Variants in ARHGEF10 observed in about 807,000 individuals in gnomAD.
The protein encoded by ARHGEF10 is Rho guanine nucleotide exchange factor (GEF) 10.
In ARHGEF10, 140 loss-of-function variants were observed where a neutral mutation model predicts 147.4. The observed-to-expected ratio is 0.95, with a 90% CI of 0.83 to 1.09. ARHGEF10 has a LOEUF of 1.09. Ranked by LOEUF, ARHGEF10 falls within the 50% of genes least tolerant of loss-of-function variation. The probability of loss-of-function intolerance (pLI) is 0.00; values close to 1 mark genes in which losing one functional copy is unlikely to be tolerated. For synonymous variants in ARHGEF10, 902 were observed against 695.8 expected (o/e 1.30, Z -4.67); for missense variants, 2,222 against 1,752.7 (o/e 1.27, Z -4.78).
Position 1,858,062 on chromosome 8 carries a change from C to A in ARHGEF10, c.140C>A (p.Pro47Gln). The A allele has an allele frequency of 6.2e-7, 1 of 1,614,138 alleles. No homozygotes were observed. The highest frequency in any genetic ancestry group is 2.2e-5 in the East Asian group (1 of 44,884). Residue 47 changes from proline (P) to glutamine (Q), a missense_variant, in exon 3 of 29, where the codon CCA (proline) becomes CAA (glutamine). By Grantham distance (76) the Pro-to-Gln change is moderately conservative. Transcript: ENST00000349830. Reference sequence around the variant, plus strand: ...ATCCCAGAAGCGGACAGACAGGCCCCATCCGCCCCTGAGACAGGAGGTGCT... The same window carrying A: ...ATCCCAGAAGCGGACAGACAGGCCCAATCCGCCCCTGAGACAGGAGGTGCT... ...DEIPEADRQA[P>Q]SAPETGGAGA...
chr8:1,877,912 G>A (rs1170887042), intron 8 of ARHGEF10, among the ~76,000 whole-genome samples: 2 of 152,076 alleles, frequency 1.3e-5, no homozygotes. Context: ...GATAACCGGT[G>A]TTATCCCTCC....
Position 1,956,871 on chromosome 8 carries a change from C to T in ARHGEF10, c.3643C>T (p.Gln1215Ter). The change falls in exon 29 of 29, where the codon CAG (glutamine) becomes TAG (stop). Residue 1215 changes from glutamine (Q) to a stop codon, truncating the protein, a stop_gained. Transcript: ENST00000349830. LOFTEE classifies it low-confidence loss of function (END_TRUNC). ...RDSLAPGPEP[Q>*]DEDQKDALPS... The stretch of plus-strand genomic sequence containing the variant: ...CAGCCTGGCTCCTGGCCCCGAGCCT[C>T]AGGACGAAGACCAGAAGGACGCACT... 1 of 1,614,134 alleles carries T rather than the reference C, an allele frequency of 6.2e-7. No individual in the cohort carries two copies. Among genetic ancestry groups the T allele is most frequent in the Non-Finnish European group, 8.5e-7 (1 of 1,180,040 alleles).
chr8:1,857,884 ATCTATCT>A, intron 2 of ARHGEF10, 69 bp from the exon 3 acceptor site: 1 of 856,346 alleles, frequency 1.2e-6, no homozygotes, highest in South Asian at 1.6e-5. Flanking sequence ...CGATCGATCT[ATCTATCT>A]ATCTATCTAT....
rs1396432213 is a variant in ARHGEF10, at chr8:1,859,944, A to G, written c.241A>G (p.Thr81Ala). The G allele has an allele frequency of 6.2e-7, 1 of 1,614,182 alleles. No individual in the cohort carries two copies. The highest frequency in any genetic ancestry group is 1.3e-5 in the African/African-American group (1 of 75,042). The change falls in exon 4 of 29, where the codon ACT becomes GCT. Residue 81 changes from threonine to alanine, a missense_variant. By Grantham distance (58) the Thr-to-Ala change is moderately conservative. Coordinates refer to ENST00000349830, the MANE Select transcript of ARHGEF10 (RefSeq NM_014629.4). ...AGAAACCACCCCAGTGGCAGAGCCTACTAAGCTGGTGCTCCCGATGAAAGT... is the reference window on the plus strand; with the variant it reads ...AGAAACCACCCCAGTGGCAGAGCCTGCTAAGCTGGTGCTCCCGATGAAAGT... ...GAETTPVAEP[T>A]KLVLPMKVNP...
At chr8:1,853,172 C>T (rs1372963538) in intron 2 of ARHGEF10, among the ~76,000 whole-genome samples, 1 of 152,184 alleles carries the variant, frequency 6.6e-6, no homozygotes, top group Non-Finnish European at 1.5e-5. Flanking sequence ...TCATGGCCTT[C>T]ATGGGTGACT....
chr8:1,924,610 C>A (rs1290149152), intron 21 of ARHGEF10, among the ~76,000 whole-genome samples: 1 of 152,180 alleles, frequency 6.6e-6, no homozygotes, highest in East Asian at 1.9e-4. Context: ...TTGTCCCGGA[C>A]GGGAAAGCCG....
At chr8:1,837,520 T>C (rs1042661114) in intron 1 of ARHGEF10, among the ~76,000 whole-genome samples, 6 of 152,188 alleles carry the variant, frequency 3.9e-5, no homozygotes, top group Admixed American at 2.6e-4. Context: ...CACAGTGTGG[T>C]TTAAAAAATG....
At chr8:1,913,905 G>A (rs1391001623) in intron 18 of ARHGEF10, among the ~76,000 whole-genome samples, 1 of 152,214 alleles carries the variant, frequency 6.6e-6, no homozygotes, top group African/African-American at 2.4e-5. Context: ...CGTGAGGAGG[G>A]TGAGAGACAG....
intron 1 of ARHGEF10, among the ~76,000 whole-genome samples, chr8:1,834,664 C>G (rs1214930091): frequency 6.6e-6 from 1 of 152,260 alleles, no homozygotes; most frequent in East Asian, 1.9e-4. Flanking sequence ...GTGGAAAGGA[C>G]TGGCGTGTTT....
chr8:1,832,056 C>A (rs1252101566), intron 1 of ARHGEF10, among the ~76,000 whole-genome samples: 1 of 152,158 alleles, frequency 6.6e-6, no homozygotes, highest in Non-Finnish European at 1.5e-5. Flanking sequence ...TTCCTCCTGA[C>A]TGTGGGGCTG....
At chr8:1,898,203 G>A (rs1174584424) in intron 14 of ARHGEF10, among the ~76,000 whole-genome samples, 1 of 152,190 alleles carries the variant, frequency 6.6e-6, no homozygotes, top group African/African-American at 2.4e-5. Context: ...ATTCACCCCT[G>A]GAGCTGAGGC....
rs1345489566 is a variant in ARHGEF10, at chr8:1,881,109, C to T, written c.960+945C>T. The stretch of plus-strand genomic sequence containing the variant: ...AGGTTTTCACAGACACGGGGAGTGC[C>T]CTGGCTGAAGCAGGTGAGGGCACTG... On this transcript the variant is annotated intron_variant, in intron 9 of 28. Transcript: ENST00000349830. Among the ~76,000 whole-genome samples the T allele has an allele frequency of 2.6e-5, 4 of 152,058 alleles. 1 individual carries two copies. The East Asian group carries it at 7.7e-4, about 29-fold the overall frequency.
At chr8:1,850,289 CGTGGGCATGGACGGCAAATGCTG>C in intron 2 of ARHGEF10, among the ~76,000 whole-genome samples, 1 of 127,968 alleles carries the variant, frequency 7.8e-6, no homozygotes. Context: ...GGGGCGGCCG[CGTGGGCATGGACGGCAAATGCTG>C]AGGAGGGCGT....
At chr8:1,947,144 G>T (rs779255716) in intron 27 of ARHGEF10, among the ~76,000 whole-genome samples, 1 of 152,200 alleles carries the variant, frequency 6.6e-6, no homozygotes, top group Non-Finnish European at 1.5e-5. Context: ...ACAAAACCAA[G>T]TCACATCCGT....
intron 15 of ARHGEF10, among the ~76,000 whole-genome samples, chr8:1,900,684 T>G (rs2129169919): frequency 6.6e-6 from 1 of 152,354 alleles, no homozygotes; most frequent in African/African-American, 2.4e-5. Flanking sequence ...ATTTAAGTTC[T>G]CTGAGGAAGG....
intron 2 of ARHGEF10, among the ~76,000 whole-genome samples, chr8:1,857,620 A>G (rs1048947099): frequency 2.6e-5 from 4 of 151,848 alleles, no homozygotes; most frequent in African/African-American, 4.8e-5. Context: ...GGGTTTCACC[A>G]TGTTGGCCAG....
intron 1 of ARHGEF10, among the ~76,000 whole-genome samples, chr8:1,836,693 G>A (rs6992502): frequency 0.32 from 47,936 of 151,950 alleles, 7,809 homozygotes; most frequent in Middle Eastern, 0.45. Flanking sequence ...AAACAAAGGC[G>A]TGGTTTCTGT....
intron 15 of ARHGEF10, among the ~76,000 whole-genome samples, chr8:1,898,736 C>T (rs966538355): frequency 6.6e-6 from 1 of 151,912 alleles, no homozygotes; most frequent in African/African-American, 2.4e-5. Context: ...CCAGTGCCTG[C>T]GAGGCCAGCC....
intron 17 of ARHGEF10, among the ~76,000 whole-genome samples, chr8:1,907,703 A>G (rs559119245): frequency 1.3e-5 from 2 of 152,330 alleles, no homozygotes; most frequent in South Asian, 4.1e-4. Flanking sequence ...ATTCCTTAAA[A>G]TAACGCCCCT....
Sources: gnomAD v4.1 joint callset for allele counts (sites outside exome capture counted in the v4.1 genomes callset) on GRCh38, gnomAD v4.1.1 for gene constraint, MANE v1.5 for transcripts, NCBI Gene and HGNC (gene_info 2026-07-23, HGNC 2026-07-21) for gene names.